HACE1: variants seen among roughly 807,000 people sequenced by gnomAD.
The protein encoded by HACE1 is HECT domain and ankyrin repeat containing E3 ubiquitin protein ligase 1.
Under a neutral mutation model 118.4 loss-of-function variants are expected in HACE1, and 73 were observed. That is an observed-to-expected ratio of 0.62 (90% CI 0.51 to 0.75). The LOEUF (loss-of-function observed/expected upper bound fraction) is 0.75, where lower values mean the gene tolerates loss of function less well. Among genes scored for constraint, HACE1 ranks in the 30% least tolerant of loss-of-function variants. HACE1 has a pLI of 0.00. For synonymous variants in HACE1, 368 were observed against 374.8 expected (o/e 0.98, Z 0.21); for missense variants, 749 against 1,102.2 (o/e 0.68, Z 4.54).
chr6:104,773,030 TAA>T (rs1013793371), intron 17 of HACE1, among the ~76,000 whole-genome samples: 1 of 150,374 alleles, frequency 6.7e-6, no homozygotes, highest in Non-Finnish European at 1.5e-5. Flanking sequence ...TTCACCACCG[TAA>T]AAAAAAAGTC....
chr6:104,812,742 C>T (rs1316940216), intron 6 of HACE1, among the ~76,000 whole-genome samples: 2 of 152,076 alleles, frequency 1.3e-5, no homozygotes, highest in Admixed American at 1.3e-4. Context: ...CTACAGAACA[C>T]ACACATTAAG....
intron 6 of HACE1, among the ~76,000 whole-genome samples, chr6:104,822,673 A>G (rs1772893095): frequency 6.6e-6 from 1 of 151,952 alleles, no homozygotes; most frequent in Non-Finnish European, 1.5e-5. Flanking sequence ...CCTGGCCAAC[A>G]TAATGAAACC....
intron 22 of HACE1, among the ~76,000 whole-genome samples, chr6:104,739,331 G>A (rs1453454920): frequency 1.3e-5 from 2 of 152,138 alleles, no homozygotes; most frequent in Admixed American, 1.3e-4. Context: ...AACCATAAAT[G>A]TAAATGGACT....
chr6:104,744,084 T>C, intron 22 of HACE1, 76 bp downstream of exon 22: 1 of 865,598 alleles, frequency 1.2e-6, no homozygotes, highest in Non-Finnish European at 2.0e-6. Context: ...AATAATTCCT[T>C]ATTTTAGTTA....
In HACE1 at chr6:104,745,455, C is replaced by CTTTTTTT. The variant is rs370049285; in HGVS notation, c.2344-852_2344-846dup. Among the ~76,000 whole-genome samples, 3 of 131,976 alleles carry CTTTTTTT rather than the reference C, an allele frequency of 2.3e-5. 1 individual carries two copies. The highest frequency in any genetic ancestry group is 4.2e-4 in the East Asian group (2 of 4,756). The allele number at this position is 131,976 out of a possible 152,430, so 86.6% of individuals were successfully genotyped here. The stretch of plus-strand genomic sequence containing the variant: ...TGATGATTCAGAATATCAGGATTTC[C>CTTTTTTT]TTTTTTTTTGAGACCGAGTCTGGCT... On this transcript the variant is annotated intron_variant, in intron 20 of 23. Coordinates refer to ENST00000262903, the MANE Select transcript of HACE1 (RefSeq NM_020771.4).
rs1326714726 is a variant in HACE1, at chr6:104,849,238, G to A, written c.230C>T (p.Ser77Leu). Residue 77 changes from serine to leucine, a missense_variant, in exon 4 of 24, where the codon TCG (serine) becomes TTG (leucine). Ser to Leu is a moderately radical substitution (Grantham distance 145, BLOSUM62 -2). Coordinates refer to ENST00000262903, the MANE Select transcript of HACE1 (RefSeq NM_020771.4). ...SLLHIAANCG[S>L]VECLVLLLKK... ...TAACAGCAAAACCAAGCATTCCACC[G>A]ATCCACAACTAAAACAATATTAAAA... 1.6e-5 allele frequency: 25 copies of A among 1,578,928 alleles called. No homozygotes were observed. The highest frequency in any genetic ancestry group is 2.1e-5 in the Non-Finnish European group (24 of 1,148,180).
chr6:104,848,687 T>C (rs1238809172), intron 4 of HACE1, among the ~76,000 whole-genome samples: 1 of 152,126 alleles, frequency 6.6e-6, no homozygotes, highest in Admixed American at 6.5e-5. Context: ...ATATTAAGTC[T>C]GTGTATAATT....
chr6:104,785,953 T>C (rs1782343977), intron 11 of HACE1: 1 of 152,446 alleles, frequency 6.6e-6, no homozygotes, highest in African/African-American at 2.4e-5. Context: ...CATATTTATG[T>C]ATATACATAT....
chr6:104,735,481 A>G (rs1775715754), intron 22 of HACE1, among the ~76,000 whole-genome samples: 1 of 152,102 alleles, frequency 6.6e-6, no homozygotes, highest in South Asian at 2.1e-4. Flanking sequence ...AAATACAAAA[A>G]TTAGCCATGC....
chr6:104,788,818 G>A lies in HACE1; in HGVS notation c.1074+2686C>T, dbSNP rs550819885. Among the ~76,000 whole-genome samples, 45 of 152,098 alleles carry A rather than the reference G, an allele frequency of 3.0e-4. No homozygotes were observed. The South Asian group carries it at 8.3e-3, about 28-fold the overall frequency. On this transcript the variant is annotated intron_variant, in intron 11 of 23. Coordinates refer to ENST00000262903, the MANE Select transcript of HACE1 (RefSeq NM_020771.4). The stretch of plus-strand genomic sequence containing the variant: ...AACATCTCTTAATGCTGAAAGAATG[G>A]CTATGTGTTAAGACTAACTTGAAGA...
rs747957746 is a variant in HACE1 at position 104,791,651 on chromosome 6, G to C, written c.927C>G (p.Leu309=). The C allele has an allele frequency of 4.4e-6, 7 of 1,599,702 alleles. No individual in the cohort carries two copies. Among genetic ancestry groups the C allele is most frequent in the South Asian group, 3.3e-5 (3 of 90,640 alleles). Residue 309 remains leucine, a synonymous_variant, in exon 11 of 24, where the codon CTC becomes CTG. Transcript: ENST00000262903. ...TCATTTGAGCATCATAATTGCTAGA[G>C]AGGCTGAAAATAAAAATTAAAATAT... ...ATTNGHKLLS[L]SSNYDAQMKS...
rs201061477 is a variant in HACE1, at chr6:104,748,084, C to CA, written c.2343+2256dup. Among the ~76,000 whole-genome samples the CA allele has an allele frequency of 8.6e-4, 130 of 150,692 alleles. 1 individual carries two copies. Among genetic ancestry groups the CA allele is most frequent in the East Asian group, 5.4e-3 (28 of 5,146 alleles). ...ACAGGACACAAAAAGCTTCTTCCAT[C>CA]AAAAAAAACAAAACAAAACAAAAAA... is the stretch of plus-strand genomic sequence containing the variant. On this transcript the variant is annotated intron_variant, in intron 20 of 23. Coordinates refer to ENST00000262903, the MANE Select transcript of HACE1 (RefSeq NM_020771.4).
At chr6:104,781,703 C>T (rs1781762142) in intron 14 of HACE1, among the ~76,000 whole-genome samples, 1 of 152,054 alleles carries the variant, frequency 6.6e-6, no homozygotes, top group South Asian at 2.1e-4. Context: ...CTCCATCAGA[C>T]AGCACTGATC....
chr6:104,750,936 C>G (rs1039025981), intron 19 of HACE1, among the ~76,000 whole-genome samples: 4 of 152,172 alleles, frequency 2.6e-5, no homozygotes, highest in African/African-American at 9.7e-5. Context: ...GTAAATAACT[C>G]AGATCCGGCA....
intron 7 of HACE1, among the ~76,000 whole-genome samples, chr6:104,801,903 A>T (rs1419915055): frequency 3.3e-5 from 5 of 152,202 alleles, no homozygotes; most frequent in Non-Finnish European, 5.9e-5. Context: ...ATTAAAAGAC[A>T]GACTGGTAAA....
intron 7 of HACE1, among the ~76,000 whole-genome samples, chr6:104,801,656 A>C (rs563446579): frequency 6.6e-5 from 10 of 152,320 alleles, no homozygotes; most frequent in African/African-American, 2.4e-4. Context: ...CTTTACAGAC[A>C]TGCAAATGCC....
At chr6:104,794,505 T>G (rs901946443) in intron 10 of HACE1, among the ~76,000 whole-genome samples, 3 of 152,220 alleles carry the variant, frequency 2.0e-5, no homozygotes, top group Non-Finnish European at 4.4e-5. Flanking sequence ...CAAAATGGAA[T>G]AAAATCCAAT....
intron 6 of HACE1, among the ~76,000 whole-genome samples, chr6:104,820,445 G>A (rs1413649658): frequency 1.3e-5 from 2 of 152,098 alleles, no homozygotes; most frequent in Non-Finnish European, 2.9e-5. Context: ...CTATGCATCT[G>A]ACAAAAGTCT....
At chr6:104,763,421 G>A (rs1334594064) in intron 19 of HACE1, among the ~76,000 whole-genome samples, 1 of 152,128 alleles carries the variant, frequency 6.6e-6, no homozygotes, top group African/African-American at 2.4e-5. Flanking sequence ...TGACACCCAA[G>A]TCTCAACATG....
Sources: gnomAD v4.1 joint callset for allele counts (sites outside exome capture counted in the v4.1 genomes callset) on GRCh38, gnomAD v4.1.1 for gene constraint, MANE v1.5 for transcripts, NCBI Gene and HGNC (gene_info 2026-07-23, HGNC 2026-07-21) for gene names.